Variants in EYA4 observed in about 807,000 individuals in gnomAD.
EYA4 encodes the protein protein phosphatase EYA4.
In EYA4, 31 loss-of-function variants were observed where a neutral mutation model predicts 87.9. The observed-to-expected ratio is 0.35, with a 90% CI of 0.27 to 0.48. The LOEUF (loss-of-function observed/expected upper bound fraction) is 0.48, where lower values mean the gene tolerates loss of function less well. Among genes scored for constraint, EYA4 ranks in the 20% least tolerant of loss-of-function variants. The pLI, the probability that EYA4 is intolerant of heterozygous loss-of-function variation, is 0.99. For missense variants in EYA4, 678 were observed against 761.4 expected (o/e 0.89, Z 1.29); for synonymous variants, 263 against 270.6 (o/e 0.97, Z 0.28).
At chr6:133,258,407 C>T (rs1775521419) in intron 1 of EYA4, among the ~76,000 whole-genome samples, 1 of 152,128 alleles carries the variant, frequency 6.6e-6, no homozygotes, top group Non-Finnish European at 1.5e-5. Context: ...CTAGTTTAAC[C>T]AGTATTTTCC....
At chr6:133,463,122 A>G (rs1226070129) in intron 9 of EYA4, among the ~76,000 whole-genome samples, 1 of 152,130 alleles carries the variant, frequency 6.6e-6, no homozygotes, top group East Asian at 1.9e-4. Context: ...CTCTTCCTGA[A>G]GTATGTAATG....
At position 133,529,466 on chromosome 6, in the gene EYA4, A is replaced by T. The variant is rs1449975624; in HGVS notation, c.*661A>T. 1.0e-6 allele frequency: 1 copy of T among 986,130 alleles called. No individual in the cohort carries two copies. The highest frequency in any genetic ancestry group is 1.2e-6 in the Non-Finnish European group (1 of 830,318). The allele number at this position is 986,130 out of a possible 1,614,324, so 61.1% of individuals were successfully genotyped here. ...CATACTGATGTGTTGTGCCTTAAAGACAAGACAGCATTTGTGTGTTACAAT... is the reference window on the plus strand; with the variant it reads ...CATACTGATGTGTTGTGCCTTAAAGTCAAGACAGCATTTGTGTGTTACAAT... On this transcript the variant is annotated 3_prime_UTR_variant, in exon 20 of 20. Transcript: ENST00000355286.
rs139031876 is a variant in EYA4 at position 133,339,723 on chromosome 6, C to T, written c.34-42669C>T. Among the ~76,000 whole-genome samples, 215 of 152,208 alleles carry T rather than the reference C, an allele frequency of 1.4e-3. 1 individual carries two copies. The highest frequency in any genetic ancestry group is 2.3e-3 in the Non-Finnish European group (154 of 68,022). The stretch of plus-strand genomic sequence containing the variant: ...TTTTTGAGGTGATAAGAAGAGAAAA[C>T]ATTGTATTTAGAGAGGGACTATTAA... On this transcript the variant is annotated intron_variant, in intron 2 of 19. Transcript: ENST00000355286.
intron 2 of EYA4, among the ~76,000 whole-genome samples, chr6:133,323,171 CCCAAG>C (rs1468793866): frequency 6.6e-6 from 1 of 151,672 alleles, no homozygotes; most frequent in Non-Finnish European, 1.5e-5. Context: ...AGCATATTTC[CCCAAG>C]CCAACATAAT....
At chr6:133,497,185 G>C (rs116608134) in intron 13 of EYA4, among the ~76,000 whole-genome samples, 1 of 151,974 alleles carries the variant, frequency 6.6e-6, no homozygotes, top group Non-Finnish European at 1.5e-5. Context: ...AGTGAAATCC[G>C]TATCTCTTTG....
chr6:133,308,734 G>A (rs1254089372), intron 2 of EYA4, among the ~76,000 whole-genome samples: 1 of 152,144 alleles, frequency 6.6e-6, no homozygotes, highest in Non-Finnish European at 1.5e-5. Context: ...TGCTGCAAAG[G>A]ACATGATTTT....
chr6:133,413,589 T>C (rs914236723), intron 3 of EYA4, among the ~76,000 whole-genome samples: 9 of 152,204 alleles, frequency 5.9e-5, no homozygotes, highest in Non-Finnish European at 1.3e-4. Flanking sequence ...ATATCATGTA[T>C]ATGTTCCTCT....
chr6:133,523,268 T>A, intron 18 of EYA4, 91 bp downstream of exon 18: 1 of 1,338,598 alleles, frequency 7.5e-7, no homozygotes, highest in South Asian at 1.2e-5. Context: ...ACTTAGTACA[T>A]GAAACAAATT....
chr6:133,356,078 AG>A (rs1272822816), intron 2 of EYA4, among the ~76,000 whole-genome samples: 9 of 151,888 alleles, frequency 5.9e-5, no homozygotes, highest in East Asian at 5.8e-4. Flanking sequence ...AGAGAGAGAG[AG>A]AAAAGAGTGT....
intron 4 of EYA4, 126 bp downstream of exon 4, chr6:133,446,880 G>T (rs1280500190): frequency 1.1e-5 from 10 of 948,474 alleles, no homozygotes; most frequent in Non-Finnish European, 1.6e-5. Flanking sequence ...TATATCCAAG[G>T]TATATATAAT....
In EYA4 at chr6:133,481,332, G is replaced by A. The variant is rs1041412737; in HGVS notation, c.971-131G>A. Reference sequence around the variant, plus strand: ...TTCTGACTGACTTGTGTGTGCTTGGGATTATAAATCTCTTTTTTGCCATCA... The same window carrying A: ...TTCTGACTGACTTGTGTGTGCTTGGAATTATAAATCTCTTTTTTGCCATCA... On this transcript the variant is annotated intron_variant, in intron 11 of 19. Transcript: ENST00000355286. The A allele has an allele frequency of 8.2e-6, 7 of 854,700 alleles. No individual in the cohort carries two copies. In the African/African-American group the frequency reaches 1.0e-4, roughly 12 times the overall value. The allele number at this position is 854,700 out of a possible 1,614,324, so 52.9% of individuals were successfully genotyped here.
chr6:133,313,485 C>T (rs1318023324), intron 2 of EYA4, among the ~76,000 whole-genome samples: 1 of 152,122 alleles, frequency 6.6e-6, no homozygotes, highest in African/African-American at 2.4e-5. Flanking sequence ...AATTTTATCT[C>T]CCATTCCAGC....
At chr6:133,329,862 A>T (rs1415605124) in intron 2 of EYA4, among the ~76,000 whole-genome samples, 3 of 152,120 alleles carry the variant, frequency 2.0e-5, no homozygotes, top group Admixed American at 6.5e-5. Context: ...TGGTGACGTG[A>T]TGTCAAATAA....
At position 133,448,123 on chromosome 6, in the gene EYA4, CT is replaced by C. The variant is rs1225373919; in HGVS notation, c.222del (p.Val75PhefsTer2). On this transcript the variant is annotated frameshift_variant, in exon 5 of 20. Transcript: ENST00000355286. LOFTEE classifies it high-confidence loss of function. ...TTCCTGTTCTCAGGGGAAAACATGA[CT>C]GTTTTAAACACAGCAGACTGGTTGC... Reference protein sequence around the residue: ...TTNGTGGENMTVLNTADWLLS... With the variant: ...TTNGTGGENMXVLNTADWLLS... 6.2e-7 allele frequency: 1 copy of C among 1,612,512 alleles called. No homozygotes were observed. Among genetic ancestry groups the C allele is most frequent in the Non-Finnish European group, 8.5e-7 (1 of 1,178,548 alleles).
At chr6:133,463,587 C>T (rs1794595740) in intron 9 of EYA4, among the ~76,000 whole-genome samples, 1 of 152,082 alleles carries the variant, frequency 6.6e-6, no homozygotes, top group Non-Finnish European at 1.5e-5. Context: ...TCTCAAACTC[C>T]TGATCTCAGG....
At chr6:133,441,788 A>C (rs1792321972) in intron 3 of EYA4, among the ~76,000 whole-genome samples, 1 of 152,076 alleles carries the variant, frequency 6.6e-6, no homozygotes, top group Non-Finnish European at 1.5e-5. Flanking sequence ...AGGGTGGAGC[A>C]GGTAATCAGA....
intron 13 of EYA4, among the ~76,000 whole-genome samples, chr6:133,490,052 C>T (rs1797011438): frequency 6.6e-6 from 1 of 152,084 alleles, no homozygotes; most frequent in South Asian, 2.1e-4. Flanking sequence ...TTAGTTTTCT[C>T]TTTGCTGGTT....
chr6:133,269,591 A>G (rs1482901434), intron 1 of EYA4, among the ~76,000 whole-genome samples: 1 of 152,208 alleles, frequency 6.6e-6, no homozygotes, highest in Non-Finnish European at 1.5e-5. Flanking sequence ...TTGTGATCTA[A>G]TAAGGAAAGT....
At chr6:133,434,195 A>G (rs896954547) in intron 3 of EYA4, among the ~76,000 whole-genome samples, 11 of 152,230 alleles carry the variant, frequency 7.2e-5, no homozygotes, top group African/African-American at 2.7e-4. Context: ...AGGACAGGTC[A>G]TTGATGTGTG....
Sources: gnomAD v4.1 joint callset for allele counts (sites outside exome capture counted in the v4.1 genomes callset) on GRCh38, gnomAD v4.1.1 for gene constraint, MANE v1.5 for transcripts, NCBI Gene and HGNC (gene_info 2026-07-23, HGNC 2026-07-21) for gene names.